The following WDFY3 variants were observed in gnomAD, a reference collection of about 807,000 sequenced individuals.
WDFY3 encodes WD repeat and FYVE domain containing 3, also known as WD repeat and FYVE domain-containing protein 3.
WDFY3 carries 66 observed loss-of-function variants against 409.6 expected under a neutral mutation model. The observed-to-expected ratio is 0.16, with a 90% CI of 0.13 to 0.20. WDFY3 has a LOEUF of 0.20. Among genes scored for constraint, WDFY3 ranks in the 10% least tolerant of loss-of-function variants. WDFY3 has a pLI of 1.00. For missense variants in WDFY3, 3,031 were observed against 4,298.1 expected, an observed-to-expected ratio of 0.71 and a Z score of 8.24; for synonymous variants, 1,521 against 1,537.1, an observed-to-expected ratio of 0.99 and a Z score of 0.25.
intron 32 of WDFY3, among the ~76,000 whole-genome samples, chr4:84,761,378 C>G (rs954470048): frequency 1.2e-4 from 19 of 152,134 alleles, no homozygotes; most frequent in African/African-American, 3.1e-4. Context: ...TTCCTGTCTC[C>G]TTGATCTGTC....
At chr4:84,707,378 A>C (rs1366937442) in intron 53 of WDFY3, among the ~76,000 whole-genome samples, 1 of 152,200 alleles carries the variant, frequency 6.6e-6, no homozygotes, top group Non-Finnish European at 1.5e-5. Context: ...GGAGGGCCTG[A>C]AATGAGACAC....
At chr4:84,859,467 G>A (rs1760249976) in intron 4 of WDFY3, among the ~76,000 whole-genome samples, 1 of 152,156 alleles carries the variant, frequency 6.6e-6, no homozygotes, top group African/African-American at 2.4e-5. Context: ...AGTCTTTCAT[G>A]GCGGCAGCAA....
At chr4:84,932,113 T>C (rs1158350846) in intron 2 of WDFY3, among the ~76,000 whole-genome samples, 157 bp downstream of exon 2, 1 of 152,156 alleles carries the variant, frequency 6.6e-6, no homozygotes, top group Non-Finnish European at 1.5e-5. Flanking sequence ...CAAAGAAGGC[T>C]TGCCCAAGCT....
At chr4:84,699,044 G>GT (rs77818435) in intron 56 of WDFY3, among the ~76,000 whole-genome samples, 316 of 142,918 alleles carry the variant, frequency 2.2e-3, no homozygotes, top group Middle Eastern at 7.0e-3. Context: ...GAGGCAAACT[G>GT]TTTTTTTTTT....
chr4:84,732,785 A>C (rs1167191790), intron 44 of WDFY3, among the ~76,000 whole-genome samples: 1 of 152,132 alleles, frequency 6.6e-6, no homozygotes, highest in Non-Finnish European at 1.5e-5. Context: ...CTGCTGATAG[A>C]CACTTAAGTT....
At chr4:84,880,015 C>T (rs1763278129) in intron 3 of WDFY3, among the ~76,000 whole-genome samples, 1 of 152,086 alleles carries the variant, frequency 6.6e-6, no homozygotes, top group South Asian at 2.1e-4. Context: ...CATTATGTGG[C>T]CAAAAGGACT....
intron 22 of WDFY3, 115 bp from the exon 23 acceptor site, chr4:84,787,828 A>G: frequency 1.0e-6 from 1 of 955,852 alleles, no homozygotes; most frequent in Non-Finnish European, 1.6e-6. Flanking sequence ...CAAATGCACA[A>G]AAACATTTGG....
intron 1 of WDFY3, among the ~76,000 whole-genome samples, chr4:84,941,735 A>G (rs925850169): frequency 6.6e-6 from 1 of 152,124 alleles, no homozygotes; most frequent in African/African-American, 2.4e-5. Flanking sequence ...TTTGGAAACA[A>G]AACAAAATTG....
chr4:84,698,106 T>C (rs1423055702), intron 56 of WDFY3, among the ~76,000 whole-genome samples: 2 of 152,068 alleles, frequency 1.3e-5, no homozygotes, highest in Non-Finnish European at 2.9e-5. Flanking sequence ...TTTTTGGTAA[T>C]AATAAACAGG....
chr4:84,962,453 T>C (rs112958293), intron 1 of WDFY3, among the ~76,000 whole-genome samples: 4,243 of 152,176 alleles, frequency 0.028, 95 homozygotes, highest in South Asian at 0.11. Context: ...TTTAAGAGCA[T>C]CAATTAAATT....
chr4:84,693,417 G>C (rs1219397156), intron 58 of WDFY3, among the ~76,000 whole-genome samples: 1 of 152,132 alleles, frequency 6.6e-6, no homozygotes, highest in Non-Finnish European at 1.5e-5. Flanking sequence ...ACTCTATCTA[G>C]TTGGATTATT....
At chr4:84,905,020 G>A (rs112354549) in intron 2 of WDFY3, among the ~76,000 whole-genome samples, 75 of 148,078 alleles carry the variant, frequency 5.1e-4, no homozygotes, top group Non-Finnish European at 9.9e-4. Context: ...ACAGTCTCTC[G>A]TCTGCGCACA....
At chr4:84,679,336 C>A in intron 64 of WDFY3, 94 bp from the exon 65 acceptor site, 1 of 1,212,050 alleles carries the variant, frequency 8.3e-7, no homozygotes, top group Non-Finnish European at 1.1e-6. Flanking sequence ...CAGTTATAAG[C>A]CTCTATAGAC....
rs958332573 is a variant in WDFY3 at position 84,756,901 on chromosome 4, G to A, written c.5424+25C>T. On this transcript the variant is annotated intron_variant, in intron 33 of 67. Transcript: ENST00000295888. The stretch of plus-strand genomic sequence containing the variant: ...GATTCTTTGGAATACGTAATTTCAC[G>A]CACCCCTTGCTAGATAATTCCTACC... 3.1e-6 allele frequency: 5 copies of A among 1,597,568 alleles called. No homozygotes were observed. In the Middle Eastern group the frequency reaches 5.3e-4, roughly 169 times the overall value.
chr4:84,770,804 T>C (rs576563210), intron 30 of WDFY3, among the ~76,000 whole-genome samples: 1 of 152,342 alleles, frequency 6.6e-6, no homozygotes, highest in East Asian at 1.9e-4. Flanking sequence ...AATTAAAAAT[T>C]TTATTTAACT....
intron 1 of WDFY3, among the ~76,000 whole-genome samples, chr4:84,936,765 A>G (rs1012756782): frequency 6.6e-6 from 1 of 152,088 alleles, no homozygotes; most frequent in African/African-American, 2.4e-5. Context: ...CAAAAGCCAC[A>G]GGCAATCAGA....
At chr4:84,902,614 C>T (rs953622052) in intron 2 of WDFY3, among the ~76,000 whole-genome samples, 4 of 152,262 alleles carry the variant, frequency 2.6e-5, no homozygotes, top group Admixed American at 6.5e-5. Flanking sequence ...ATAGAATTTT[C>T]ACCATGACAA....
chr4:84,741,809 G>A lies in WDFY3; in HGVS notation c.6186C>T (p.Asn2062=), dbSNP rs751531351. Residue 2062 remains asparagine, a synonymous_variant, in exon 38 of 68, where the codon AAC becomes AAT. Transcript: ENST00000295888. The part of the protein sequence containing the change: ...VVDKLWQGMF[N]KESKLLIDFI... ...AATCTATAAGAAGTTTAGATTCTTT[G>A]TTGAACATGCCTTGCCAAAGCTTGT... The A allele has an allele frequency of 6.2e-7, 1 of 1,612,666 alleles. No homozygotes were observed. The highest frequency in any genetic ancestry group is 8.5e-7 in the Non-Finnish European group (1 of 1,179,092).
At chr4:84,921,890 C>T (rs746436821) in intron 2 of WDFY3, among the ~76,000 whole-genome samples, 1 of 151,772 alleles carries the variant, frequency 6.6e-6, no homozygotes, top group Non-Finnish European at 1.5e-5. Flanking sequence ...CTCCTGACCT[C>T]GTGATCCACC....
Sources: allele counts gnomAD v4.1 joint callset (sites outside exome capture counted in the v4.1 genomes callset), GRCh38; gene constraint gnomAD v4.1.1; transcripts MANE v1.5; gene names NCBI Gene and HGNC (gene_info 2026-07-23, HGNC 2026-07-21).